GPR158: variants seen among roughly 807,000 people sequenced by gnomAD.
GPR158 encodes metabotropic glycine receptor.
Under a neutral mutation model 78.2 loss-of-function variants are expected in GPR158, and 30 were observed. The ratio of observed to expected loss-of-function variants is 0.38; its 90% CI spans 0.29 to 0.52. The LOEUF is 0.52. Among genes scored for constraint, GPR158 ranks in the 20% least tolerant of loss-of-function variants. GPR158 has a pLI of 0.83. For synonymous variants in GPR158, 581 were observed against 591.1 expected (o/e 0.98, Z 0.25); for missense variants, 1,463 against 1,523.5 (o/e 0.96, Z 0.66).
At chr10:25,213,091 C>CA in intron 1 of GPR158, among the ~76,000 whole-genome samples, 1 of 152,120 alleles carries the variant, frequency 6.6e-6, no homozygotes, top group East Asian at 1.9e-4. Context: ...TTTAAATGAT[C>CA]ATATCATGTA....
intron 6 of GPR158, among the ~76,000 whole-genome samples, chr10:25,564,264 G>T (rs1361590417): frequency 6.6e-6 from 1 of 152,188 alleles, no homozygotes; most frequent in African/African-American, 2.4e-5. Flanking sequence ...AGAGCCTGAG[G>T]TCGGCAGGAG....
intron 4 of GPR158, among the ~76,000 whole-genome samples, chr10:25,438,811 T>G (rs1227273995): frequency 1.3e-5 from 2 of 152,160 alleles, no homozygotes; most frequent in East Asian, 3.9e-4. Flanking sequence ...AAGTCAGGGG[T>G]TTATTTCTTG....
rs973709438 is a variant in GPR158 at position 25,251,887 on chromosome 10, T to C, written c.1008+30730T>C. Among the ~76,000 whole-genome samples, 77 of 152,140 alleles carry C rather than the reference T, an allele frequency of 5.1e-4. 1 individual carries two copies. Among genetic ancestry groups the C allele is most frequent in the Non-Finnish European group, 9.0e-4 (61 of 68,004 alleles). On this transcript the variant is annotated intron_variant, in intron 2 of 10. Transcript: ENST00000376351. ...CCTTGCTAGATTGGGGAAGTTCTCC[T>C]GGATAATATCCTGCAGAGTGTTTTC... is the stretch of plus-strand genomic sequence containing the variant.
rs1023142879 is a variant in GPR158, at chr10:25,341,611, C to T, written c.1009-54300C>T. Among the ~76,000 whole-genome samples, 7 of 151,992 alleles carry T rather than the reference C, an allele frequency of 4.6e-5. 1 individual carries two copies. The East Asian group carries it at 1.4e-3, about 29-fold the overall frequency. ...TGTATTGCAGTGGGAGTGCCCATTA[C>T]AGTATCTGGGCCACCTTATTGCCAG... On this transcript the variant is annotated intron_variant, in intron 2 of 10. Coordinates refer to ENST00000376351, the MANE Select transcript of GPR158 (RefSeq NM_020752.3).
At chr10:25,214,288 C>A (rs1442807119) in intron 1 of GPR158, among the ~76,000 whole-genome samples, 1 of 152,144 alleles carries the variant, frequency 6.6e-6, no homozygotes, top group Non-Finnish European at 1.5e-5. Context: ...GCCACCACGC[C>A]TGGCCGAGTC....
intron 5 of GPR158, among the ~76,000 whole-genome samples, chr10:25,527,750 C>A (rs1230618725): frequency 6.6e-6 from 1 of 151,686 alleles, no homozygotes; most frequent in Admixed American, 6.6e-5. Context: ...ATAGAGAAAC[C>A]CAAAAGCTGT....
In GPR158 at chr10:25,175,516, G is replaced by A. The variant is rs746163727; in HGVS notation, c.96G>A (p.Pro32=). ...CCAGCCGCGACCCCCAAGGACGGCC[G>A]GATTCCCCTCGAGAGAGGACCCCGA... ...VGASRDPQGR[P]DSPRERTPKG... is the part of the protein sequence containing the mutation. Residue 32 remains proline (P), a synonymous_variant, in exon 1 of 11, where the codon CCG becomes CCA. Transcript: ENST00000376351. The surrounding 1 kb of genome is among the most constrained non-coding windows in gnomAD (Gnocchi z 6.4). 1 of 1,612,286 alleles carries A rather than the reference G, an allele frequency of 6.2e-7. No individual in the cohort carries two copies. Among genetic ancestry groups the A allele is most frequent in the South Asian group, 1.1e-5 (1 of 91,042 alleles).
At chr10:25,443,612 A>G (rs1287397085) in intron 4 of GPR158, among the ~76,000 whole-genome samples, 4 of 144,576 alleles carry the variant, frequency 2.8e-5, no homozygotes, top group Non-Finnish European at 6.0e-5. Context: ...TCCCTATATT[A>G]CTAAGGTTGG....
At chr10:25,565,796 C>T (rs528603482) in intron 6 of GPR158, among the ~76,000 whole-genome samples, 1 of 152,056 alleles carries the variant, frequency 6.6e-6, no homozygotes, top group Non-Finnish European at 1.5e-5. Context: ...ACTGGTGTGG[C>T]GGCTGACCGT....
chr10:25,470,619 T>C (rs1307388635), intron 5 of GPR158, among the ~76,000 whole-genome samples: 2 of 152,208 alleles, frequency 1.3e-5, no homozygotes, highest in Non-Finnish European at 2.9e-5. Context: ...CATAGAGTTA[T>C]GCATAATAAT....
At chr10:25,534,891 G>C (rs113584645) in intron 5 of GPR158, among the ~76,000 whole-genome samples, 1 of 50,232 alleles carries the variant, frequency 2.0e-5, no homozygotes, top group Admixed American at 2.1e-4. Context: ...CTTCTCAGCA[G>C]TTCTTAGTCA....
intron 1 of GPR158, among the ~76,000 whole-genome samples, chr10:25,196,321 C>G (rs1047956242): frequency 1.3e-5 from 2 of 151,226 alleles, no homozygotes; most frequent in Non-Finnish European, 2.9e-5. Context: ...GTTCATGAAC[C>G]CTTTTTTTGC....
At chr10:25,321,850 T>G (rs867901468) in intron 2 of GPR158, among the ~76,000 whole-genome samples, 1 of 152,222 alleles carries the variant, frequency 6.6e-6, no homozygotes. Flanking sequence ...TCAAACTTGT[T>G]CATTATCTTA....
At chr10:25,336,049 G>C (rs560584592) in intron 2 of GPR158, among the ~76,000 whole-genome samples, 1 of 152,004 alleles carries the variant, frequency 6.6e-6, no homozygotes, top group Admixed American at 6.6e-5. Context: ...AGCTGTCATT[G>C]TTATTATCAA....
At chr10:25,309,648 A>G (rs1478336541) in intron 2 of GPR158, among the ~76,000 whole-genome samples, 1 of 152,096 alleles carries the variant, frequency 6.6e-6, no homozygotes, top group Non-Finnish European at 1.5e-5. Flanking sequence ...TAGCACCCAT[A>G]ATCCCCATGT....
intron 9 of GPR158, among the ~76,000 whole-genome samples, chr10:25,596,341 T>C (rs899208847): frequency 1.3e-5 from 2 of 152,052 alleles, no homozygotes; most frequent in African/African-American, 4.8e-5. Context: ...AAGTAAAGAT[T>C]CCGTTTACCA....
intron 2 of GPR158, among the ~76,000 whole-genome samples, chr10:25,237,067 A>T (rs1466252528): frequency 6.6e-6 from 1 of 152,236 alleles, no homozygotes; most frequent in Non-Finnish European, 1.5e-5. Flanking sequence ...TCGATTGCTA[A>T]TGCAAGAGTA....
intron 2 of GPR158, among the ~76,000 whole-genome samples, chr10:25,365,072 A>T (rs569334386): frequency 5.3e-5 from 8 of 151,710 alleles, no homozygotes; most frequent in South Asian, 2.1e-4. Flanking sequence ...TTTATTTAAA[A>T]TTTTTTCCTA....
At chr10:25,521,346 C>G (rs970324664) in intron 5 of GPR158, among the ~76,000 whole-genome samples, 4 of 152,208 alleles carry the variant, frequency 2.6e-5, no homozygotes, top group African/African-American at 9.6e-5. Flanking sequence ...ACGCTGGGAG[C>G]TGTAGGCCGG....
Sources: allele counts gnomAD v4.1 joint callset (sites outside exome capture counted in the v4.1 genomes callset), GRCh38; gene constraint gnomAD v4.1.1; non-coding constraint Gnocchi (gnomAD v3.1); transcripts MANE v1.5; gene names NCBI Gene and HGNC (gene_info 2026-07-23, HGNC 2026-07-21).